Variants in FER observed in about 807,000 individuals in gnomAD.
The protein encoded by FER is FER tyrosine kinase, also known as tyrosine-protein kinase Fer.
A neutral mutation model predicts 111.0 loss-of-function variants in FER; 63 were observed. The observed-to-expected ratio is 0.57, with a 90% CI of 0.46 to 0.70. The LOEUF (loss-of-function observed/expected upper bound fraction) is 0.70, where lower values mean the gene tolerates loss of function less well. Ranked by LOEUF, FER falls within the 30% of genes least tolerant of loss-of-function variation. The probability of loss-of-function intolerance (pLI) is 0.00; values close to 1 mark genes in which losing one functional copy is unlikely to be tolerated. For missense variants in FER, 914 were observed against 954.0 expected, an observed-to-expected ratio of 0.96 and a Z score of 0.55; for synonymous variants, 327 against 313.9, an observed-to-expected ratio of 1.04 and a Z score of -0.44.
intron 17 of FER, among the ~76,000 whole-genome samples, chr5:109,129,799 C>G (rs1752162864): frequency 6.6e-6 from 1 of 152,020 alleles, no homozygotes; most frequent in African/African-American, 2.4e-5. Flanking sequence ...AGCAATTCAA[C>G]TCCTAAGAGT....
chr5:109,099,008 G>C (rs1747877604), intron 16 of FER, among the ~76,000 whole-genome samples: 1 of 151,528 alleles, frequency 6.6e-6, no homozygotes, highest in South Asian at 2.1e-4. Context: ...TTCTACTTAA[G>C]AAAGCATAGA....
At chr5:109,019,515 A>T (rs913716772) in intron 13 of FER, among the ~76,000 whole-genome samples, 1 of 151,788 alleles carries the variant, frequency 6.6e-6, no homozygotes, top group African/African-American at 2.4e-5. Context: ...AATATTGTCA[A>T]AGTGTGATCG....
intron 14 of FER, among the ~76,000 whole-genome samples, chr5:109,039,280 C>A (rs1770825146): frequency 6.6e-6 from 1 of 151,740 alleles, no homozygotes; most frequent in Non-Finnish European, 1.5e-5. Flanking sequence ...TCAGATGCAG[C>A]TATAGTCGAT....
chr5:108,816,595 C>A (rs1475279333), intron 3 of FER, among the ~76,000 whole-genome samples: 1 of 152,070 alleles, frequency 6.6e-6, no homozygotes, highest in East Asian at 1.9e-4. Context: ...GAGTATTATG[C>A]CTTTAACCCC....
chr5:109,165,091 G>C (rs1582342168), intron 17 of FER, among the ~76,000 whole-genome samples: 1 of 152,266 alleles, frequency 6.6e-6, no homozygotes, highest in South Asian at 2.1e-4. Context: ...GTTCCATGAG[G>C]ACATGAATTC....
At chr5:108,885,030 C>A (rs533640753) in intron 9 of FER, among the ~76,000 whole-genome samples, 2 of 152,072 alleles carry the variant, frequency 1.3e-5, no homozygotes, top group African/African-American at 4.8e-5. Flanking sequence ...CATTCTCTTC[C>A]GCTCAGCCAA....
intron 2 of FER, among the ~76,000 whole-genome samples, chr5:108,781,482 G>A (rs1397894922): frequency 2.6e-5 from 4 of 152,168 alleles, no homozygotes; most frequent in Non-Finnish European, 5.9e-5. Flanking sequence ...GTGAGCCACC[G>A]TGCCCAGCCC....
At chr5:109,041,179 T>G (rs975358158) in intron 14 of FER, among the ~76,000 whole-genome samples, 1 of 152,150 alleles carries the variant, frequency 6.6e-6, no homozygotes, top group East Asian at 1.9e-4. Flanking sequence ...TCAGCATGAT[T>G]ATGGTTTTTC....
At chr5:109,108,130 A>G (rs1191409014) in intron 17 of FER, among the ~76,000 whole-genome samples, 1 of 152,132 alleles carries the variant, frequency 6.6e-6, no homozygotes, top group East Asian at 1.9e-4. Context: ...TGGAGAGCTC[A>G]CTGTTTGCCA....
At chr5:109,108,523 T>C (rs1230242965) in intron 17 of FER, among the ~76,000 whole-genome samples, 1 of 152,146 alleles carries the variant, frequency 6.6e-6, no homozygotes, top group East Asian at 1.9e-4. Context: ...TCACATTTCA[T>C]GTCACAGGGA....
chr5:108,814,159 A>G (rs187372040), intron 3 of FER, among the ~76,000 whole-genome samples: 3 of 152,254 alleles, frequency 2.0e-5, no homozygotes, highest in Non-Finnish European at 2.9e-5. Context: ...CATTTATTTA[A>G]TAGTTGTTGT....
At chr5:108,879,699 AAAATATAT>A (rs1450329975) in intron 8 of FER, among the ~76,000 whole-genome samples, 2 of 93,526 alleles carry the variant, frequency 2.1e-5, no homozygotes, top group Admixed American at 9.9e-5. Flanking sequence ...AGATTAAAAA[AAAATATAT>A]ATATATATAT....
intron 3 of FER, among the ~76,000 whole-genome samples, chr5:108,821,080 C>G (rs1391347920): frequency 6.6e-6 from 1 of 152,168 alleles, no homozygotes; most frequent in African/African-American, 2.4e-5. Context: ...CCACTGTACT[C>G]CAGCCTGGGT....
intron 17 of FER, among the ~76,000 whole-genome samples, chr5:109,150,785 ATAT>A (rs1754751468): frequency 2.0e-5 from 3 of 152,162 alleles, no homozygotes; most frequent in Admixed American, 2.0e-4. Flanking sequence ...TGTCTTTGCT[ATAT>A]TATTGTTATC....
chr5:108,837,544 C>T (rs1216652597), intron 5 of FER, among the ~76,000 whole-genome samples: 1 of 152,158 alleles, frequency 6.6e-6, no homozygotes. Context: ...ACTTCACCCA[C>T]AGCAACCATA....
intron 17 of FER, among the ~76,000 whole-genome samples, chr5:109,126,240 A>G (rs947951465): frequency 6.6e-6 from 1 of 152,172 alleles, no homozygotes; most frequent in Non-Finnish European, 1.5e-5. Context: ...CTGTTCATCT[A>G]GTCCCTTGGC....
intron 13 of FER, among the ~76,000 whole-genome samples, chr5:109,027,972 A>G (rs187219840): frequency 3.4e-4 from 52 of 152,306 alleles, no homozygotes; most frequent in Non-Finnish European, 2.9e-5. Flanking sequence ...TACTATATTA[A>G]TGACAATTTT....
chr5:108,962,401 TG>T (rs1759263966), intron 13 of FER, among the ~76,000 whole-genome samples: 1 of 152,226 alleles, frequency 6.6e-6, no homozygotes, highest in African/African-American at 2.4e-5. Context: ...CTGACTACCA[TG>T]TATAAAATAA....
At position 109,007,162 on chromosome 5, in the gene FER, C is replaced by T. The variant is rs191535792; in HGVS notation, c.1657-30260C>T. 1.5e-3 allele frequency among the ~76,000 whole-genome samples: 230 copies of T among 152,172 alleles called. 1 individual carries two copies. Among genetic ancestry groups the T allele is most frequent in the Admixed American group, 5.0e-3 (77 of 15,282 alleles). ...TATTGATATTGGCCAAATGCAGTTT[C>T]GAAGTAATAGCTCATATTCTGAGAT... On this transcript the variant is annotated intron_variant, in intron 13 of 19. Coordinates refer to ENST00000281092, the MANE Select transcript of FER (RefSeq NM_005246.4).
Sources: gnomAD v4.1 joint callset for allele counts (sites outside exome capture counted in the v4.1 genomes callset) on GRCh38, gnomAD v4.1.1 for gene constraint, MANE v1.5 for transcripts, NCBI Gene and HGNC (gene_info 2026-07-23, HGNC 2026-07-21) for gene names.